The following RGS22 variants were observed in gnomAD, a reference collection of about 807,000 sequenced individuals.
The protein encoded by RGS22 is regulator of G-protein signaling 22.
RGS22 carries 148 observed loss-of-function variants against 172.9 expected under a neutral mutation model. That is an observed-to-expected ratio of 0.86 (90% confidence interval 0.75 to 0.98). The LOEUF (loss-of-function observed/expected upper bound fraction) is 0.98. Among genes scored for constraint, RGS22 ranks in the 50% least tolerant of loss-of-function variants. The pLI is 0.00. For synonymous variants in RGS22, 458 were observed against 480.2 expected (o/e 0.95, Z 0.60); for missense variants, 1,347 against 1,440.8 (o/e 0.93, Z 1.05).
chr8:100,090,579 G>A (rs915742617), intron 3 of RGS22, among the ~76,000 whole-genome samples: 3 of 152,150 alleles, frequency 2.0e-5, no homozygotes, highest in African/African-American at 7.2e-5. Context: ...TAATTTCACA[G>A]ATAATGATAA....
chr8:100,048,600 A>T (rs1447614848), intron 10 of RGS22, among the ~76,000 whole-genome samples: 1 of 152,070 alleles, frequency 6.6e-6, no homozygotes, highest in Non-Finnish European at 1.5e-5. Flanking sequence ...ACTACTAATA[A>T]TTTTTTCAGA....
chr8:100,032,567 G>A lies in RGS22; in HGVS notation c.2166+6364C>T, dbSNP rs181176565. Among the ~76,000 whole-genome samples the A allele has an allele frequency of 2.2e-3, 338 of 152,182 alleles. 2 individuals are homozygous for A. Among genetic ancestry groups the A allele is most frequent in the African/African-American group, 8.0e-3 (332 of 41,522 alleles). ...ACTTAGACTCCCACACAATAATAAT[G>A]GGAGACTTTAACACCCCACTGTCAA... On this transcript the variant is annotated intron_variant, in intron 14 of 27. Coordinates refer to ENST00000360863, the MANE Select transcript of RGS22 (RefSeq NM_015668.5).
intron 22 of RGS22, among the ~76,000 whole-genome samples, chr8:99,981,711 T>G (rs1020559409): frequency 3.3e-5 from 5 of 150,148 alleles, no homozygotes; most frequent in Admixed American, 1.3e-4. Context: ...AATTTTTATT[T>G]ACTTTTTTTT....
chr8:100,096,660 A>AT (rs1220835222), intron 2 of RGS22, among the ~76,000 whole-genome samples: 1 of 145,018 alleles, frequency 6.9e-6, no homozygotes, highest in Non-Finnish European at 1.5e-5. Context: ...CGCTTAGCTA[A>AT]TTTAAAAAAA....
chr8:100,016,341 C>T (rs1816945409), intron 14 of RGS22, among the ~76,000 whole-genome samples: 2 of 149,768 alleles, frequency 1.3e-5, no homozygotes, highest in South Asian at 2.1e-4. Flanking sequence ...AACGATTGCA[C>T]CTAAATGTAG....
intron 11 of RGS22, among the ~76,000 whole-genome samples, chr8:100,045,599 C>A (rs1019689442): frequency 6.6e-6 from 1 of 151,856 alleles, no homozygotes; most frequent in Non-Finnish European, 1.5e-5. Context: ...CTTATACAAG[C>A]TGAAGGAAGT....
At chr8:100,099,865 C>G (rs1307379246) in intron 2 of RGS22, among the ~76,000 whole-genome samples, 2 of 152,232 alleles carry the variant, frequency 1.3e-5, no homozygotes, top group East Asian at 3.8e-4. Context: ...AGGGGTAGTA[C>G]TTAGGTCTAG....
intron 3 of RGS22, among the ~76,000 whole-genome samples, chr8:100,089,009 G>T (rs1468577374): frequency 6.6e-6 from 1 of 152,004 alleles, no homozygotes; most frequent in Non-Finnish European, 1.5e-5. Context: ...TTACATGGAA[G>T]ATGTTGAAAT....
intron 3 of RGS22, among the ~76,000 whole-genome samples, chr8:100,082,625 G>A (rs575412296): frequency 6.0e-4 from 91 of 152,256 alleles, no homozygotes; most frequent in African/African-American, 2.1e-3. Context: ...GTGGTCCATG[G>A]ACTCAGAGCT....
intron 3 of RGS22, among the ~76,000 whole-genome samples, chr8:100,083,830 CTTTT>C (rs59603032): frequency 4.8e-5 from 6 of 126,046 alleles, no homozygotes; most frequent in Admixed American, 8.1e-5. Flanking sequence ...AATTTCTTTT[CTTTT>C]TTTTTTTTTT....
At position 100,001,219 on chromosome 8, in the gene RGS22, T is replaced by TATAC. The variant is rs1402594104; in HGVS notation, c.2790+982_2790+983insGTAT. ...CCAATTTTTTATATATATATATATATACATATATATATATACATTTTTTTT... is the reference window on the plus strand; with the variant it reads ...CCAATTTTTTATATATATATATATATATACACATATATATATATACATTTTTTTT... On this transcript the variant is annotated intron_variant, in intron 18 of 27. Coordinates refer to ENST00000360863, the MANE Select transcript of RGS22 (RefSeq NM_015668.5). Among the ~76,000 whole-genome samples the TATAC allele has an allele frequency of 2.0e-4, 26 of 132,950 alleles. 1 individual carries two copies. Among genetic ancestry groups the TATAC allele is most frequent in the African/African-American group, 5.1e-4 (18 of 35,346 alleles). 87.2% of individuals were successfully genotyped at this position (132,950 alleles called of 152,430 possible).
At chr8:100,057,859 A>C (rs1809771221) in intron 9 of RGS22, among the ~76,000 whole-genome samples, 1 of 152,194 alleles carries the variant, frequency 6.6e-6, no homozygotes, top group South Asian at 2.1e-4. Context: ...ACCTCACCAA[A>C]TGAATGAAAT....
intron 14 of RGS22, among the ~76,000 whole-genome samples, chr8:100,022,799 G>A (rs1817755836): frequency 6.6e-6 from 1 of 151,960 alleles, no homozygotes; most frequent in South Asian, 2.1e-4. Context: ...AGGTTGGAGT[G>A]CAGTGGCGCA....
intron 2 of RGS22, among the ~76,000 whole-genome samples, chr8:100,096,607 A>ATTTT (rs59285481): frequency 1.4e-4 from 20 of 142,496 alleles, no homozygotes; most frequent in African/African-American, 4.7e-4. Context: ...ATGAACTACA[A>ATTTT]TTTTTTTTTT....
Position 100,105,892 on chromosome 8 carries a change from C to T in RGS22, c.25+5G>A, listed in dbSNP as rs1002652644. ...ATCCTCTGTCCCTGTGGGGCCGCCA[C>T]CTACCCGCGGTGAGCCTCTTCTCGG... On this transcript the variant is annotated splice_donor_5th_base_variant and intron_variant, in intron 1 of 27. Transcript: ENST00000360863. 3.3e-6 allele frequency: 5 copies of T among 1,503,068 alleles called. No individual in the cohort carries two copies. Among genetic ancestry groups the T allele is most frequent in the African/African-American group, 2.9e-5 (2 of 68,654 alleles). The allele number at this position is 1,503,068 out of a possible 1,614,324, so 93.1% of individuals were successfully genotyped here. A position where few individuals can be genotyped will look rare whatever the true frequency, so the allele number is the denominator to read the frequency against.
At chr8:100,041,761 TA>T in intron 12 of RGS22, 40 bp downstream of exon 12, 1 of 1,075,890 alleles carries the variant, frequency 9.3e-7, no homozygotes, top group South Asian at 1.4e-5. Flanking sequence ...ACTGATCAGT[TA>T]AATGAAGAAT....
chr8:99,962,864 T>C lies in RGS22; in HGVS notation c.3709+21A>G, dbSNP rs746883536. The C allele has an allele frequency of 6.3e-6, 10 of 1,584,302 alleles. No homozygotes were observed. In the African/African-American group the frequency reaches 9.6e-5, roughly 15 times the overall value. On this transcript the variant is annotated intron_variant, in intron 25 of 27. Coordinates refer to ENST00000360863, the MANE Select transcript of RGS22 (RefSeq NM_015668.5). ...GATAAAAGATAAAAAAGTAAACTTGTAGGCAGAAGGCAAAAATTACCTGCA... is the reference window on the plus strand; with the variant it reads ...GATAAAAGATAAAAAAGTAAACTTGCAGGCAGAAGGCAAAAATTACCTGCA...
intron 6 of RGS22, among the ~76,000 whole-genome samples, chr8:100,070,034 A>AAC (rs1810840029): frequency 6.7e-6 from 1 of 149,448 alleles, no homozygotes; most frequent in South Asian, 2.1e-4. Context: ...TCTCAAAAAA[A>AAC]AAAAAAAAAA....
At chr8:100,049,830 C>T (rs1341731906) in intron 10 of RGS22, among the ~76,000 whole-genome samples, 1 of 152,020 alleles carries the variant, frequency 6.6e-6, no homozygotes, top group Admixed American at 6.6e-5. Context: ...GGCAGATCAC[C>T]TGGGTCAGGA....
Sources: gnomAD v4.1 joint callset for allele counts (sites outside exome capture counted in the v4.1 genomes callset) on GRCh38, gnomAD v4.1.1 for gene constraint, MANE v1.5 for transcripts, NCBI Gene and HGNC (gene_info 2026-07-23, HGNC 2026-07-21) for gene names.